The following PLCB1 variants were observed in gnomAD, a reference collection of about 807,000 sequenced individuals.
PLCB1 encodes the protein 1-phosphatidylinositol 4,5-bisphosphate phosphodiesterase beta-1.
A neutral mutation model predicts 161.8 loss-of-function variants in PLCB1; 46 were observed. That is an observed-to-expected ratio of 0.28 (90% confidence interval 0.22 to 0.36). The LOEUF (loss-of-function observed/expected upper bound fraction) is 0.36. PLCB1 is among the 10% of genes least tolerant of loss of function. The probability of loss-of-function intolerance (pLI) is 1.00; values close to 1 mark genes in which losing one functional copy is unlikely to be tolerated. For synonymous variants in PLCB1, 517 were observed against 503.7 expected, an observed-to-expected ratio of 1.03 and a Z score of -0.35; for missense variants, 1,016 against 1,472.5, an observed-to-expected ratio of 0.69 and a Z score of 5.07.
intron 31 of PLCB1, among the ~76,000 whole-genome samples, chr20:8,851,111 A>C (rs1986870578): frequency 6.6e-6 from 1 of 152,250 alleles, no homozygotes; most frequent in Admixed American, 6.5e-5. Context: ...AAATATTCAA[A>C]GACCTGGCTC....
intron 2 of PLCB1, among the ~76,000 whole-genome samples, chr20:8,322,987 G>T (rs1984984724): frequency 6.6e-6 from 1 of 152,112 alleles, no homozygotes; most frequent in African/African-American, 2.4e-5. Context: ...TCATTAGAAG[G>T]TGAGGCTCTT....
chr20:8,532,903 T>C (rs911453041), intron 3 of PLCB1, among the ~76,000 whole-genome samples: 4 of 152,104 alleles, frequency 2.6e-5, no homozygotes, highest in Non-Finnish European at 5.9e-5. Flanking sequence ...AGGGTACATG[T>C]GCACAATGTA....
At chr20:8,804,853 T>C (rs1440637582) in intron 31 of PLCB1, among the ~76,000 whole-genome samples, 1 of 151,356 alleles carries the variant, frequency 6.6e-6, no homozygotes, top group East Asian at 1.9e-4. Flanking sequence ...TAGCCGGGCG[T>C]GGTGGCAGGT....
chr20:8,561,712 G>C (rs1986145936), intron 3 of PLCB1, among the ~76,000 whole-genome samples: 1 of 152,000 alleles, frequency 6.6e-6, no homozygotes, highest in Non-Finnish European at 1.5e-5. Flanking sequence ...TTCATTAACA[G>C]ATGCAATTAG....
chr20:8,844,811 A>T (rs928633692), intron 31 of PLCB1, among the ~76,000 whole-genome samples: 9 of 152,178 alleles, frequency 5.9e-5, no homozygotes, highest in Non-Finnish European at 1.2e-4. Context: ...AAGACTACGG[A>T]TTTAAAGTAC....
At chr20:8,444,795 G>A (rs1980740928) in intron 3 of PLCB1, among the ~76,000 whole-genome samples, 1 of 152,054 alleles carries the variant, frequency 6.6e-6, no homozygotes, top group South Asian at 2.1e-4. Flanking sequence ...TTCTCTGATG[G>A]CCAGTGATGA....
chr20:8,578,216 A>G (rs181324756), intron 3 of PLCB1, among the ~76,000 whole-genome samples: 31 of 152,320 alleles, frequency 2.0e-4, no homozygotes, highest in Non-Finnish European at 3.5e-4. Context: ...ACCTGCCATT[A>G]ATTAATATTT....
At chr20:8,758,064 A>G (rs1458460080) in intron 24 of PLCB1, among the ~76,000 whole-genome samples, 1 of 151,308 alleles carries the variant, frequency 6.6e-6, no homozygotes, top group Non-Finnish European at 1.5e-5. Flanking sequence ...GGGGAATAGC[A>G]TGTACCTGAT....
chr20:8,519,682 A>G (rs1345003500), intron 3 of PLCB1, among the ~76,000 whole-genome samples: 1 of 152,154 alleles, frequency 6.6e-6, no homozygotes, highest in Non-Finnish European at 1.5e-5. Flanking sequence ...TACTTGAGAA[A>G]CACACCAAAA....
chr20:8,201,533 T>A (rs1313824129), intron 2 of PLCB1, among the ~76,000 whole-genome samples: 2 of 152,196 alleles, frequency 1.3e-5, no homozygotes, highest in African/African-American at 4.8e-5. Flanking sequence ...CCTGAATCTC[T>A]ACGTAATTCA....
chr20:8,783,738 C>T (rs993404304), intron 27 of PLCB1, among the ~76,000 whole-genome samples: 2 of 152,162 alleles, frequency 1.3e-5, no homozygotes, highest in African/African-American at 2.4e-5. Context: ...GCAAGACAGG[C>T]TTCCCCTTGA....
intron 3 of PLCB1, among the ~76,000 whole-genome samples, chr20:8,551,420 C>T (rs1985771517): frequency 6.6e-6 from 1 of 152,186 alleles, no homozygotes; most frequent in South Asian, 2.1e-4. Flanking sequence ...TGAATGTACC[C>T]TCAGCTTTCC....
intron 3 of PLCB1, among the ~76,000 whole-genome samples, chr20:8,515,190 A>G (rs1984059253): frequency 6.6e-6 from 1 of 152,200 alleles, no homozygotes; most frequent in Admixed American, 6.5e-5. Context: ...GCTTCCCACT[A>G]CCACTTATTT....
At chr20:8,348,095 C>A (rs1013251121) in intron 2 of PLCB1, among the ~76,000 whole-genome samples, 1 of 152,138 alleles carries the variant, frequency 6.6e-6, no homozygotes, top group Non-Finnish European at 1.5e-5. Context: ...GTGAACACTG[C>A]AAGTTTCTGT....
chr20:8,586,850 G>C (rs926500248), intron 3 of PLCB1, among the ~76,000 whole-genome samples: 2 of 152,030 alleles, frequency 1.3e-5, no homozygotes, highest in African/African-American at 4.8e-5. Context: ...TCAAAACCCA[G>C]AACCATGGTA....
intron 27 of PLCB1, among the ~76,000 whole-genome samples, chr20:8,778,748 C>A (rs1983063896): frequency 6.6e-6 from 1 of 152,190 alleles, no homozygotes; most frequent in Non-Finnish European, 1.5e-5. Flanking sequence ...GTTACACACA[C>A]CTATCCCAGC....
intron 2 of PLCB1, among the ~76,000 whole-genome samples, chr20:8,301,618 TC>T (rs1242602812): frequency 1.3e-5 from 2 of 152,136 alleles, no homozygotes; most frequent in African/African-American, 2.4e-5. Context: ...TGGGTTGTGA[TC>T]CCCATTGTCC....
At chr20:8,537,494 T>A (rs2143203) in intron 3 of PLCB1, among the ~76,000 whole-genome samples, 19 of 151,860 alleles carry the variant, frequency 1.3e-4, no homozygotes, top group African/African-American at 4.6e-4. Flanking sequence ...GTGCTGGCTG[T>A]GACCAATTAT....
intron 2 of PLCB1, among the ~76,000 whole-genome samples, chr20:8,335,501 C>G (rs1985537736): frequency 6.6e-6 from 1 of 152,126 alleles, no homozygotes; most frequent in Non-Finnish European, 1.5e-5. Flanking sequence ...TGAATTGTCA[C>G]TTTATCTTTA....
Sources: gnomAD v4.1 joint callset for allele counts (sites outside exome capture counted in the v4.1 genomes callset) on GRCh38, gnomAD v4.1.1 for gene constraint, MANE v1.5 for transcripts, NCBI Gene and HGNC (gene_info 2026-07-23, HGNC 2026-07-21) for gene names.